The following ACSM1 variants were observed in gnomAD, a reference collection of about 807,000 sequenced individuals.
The protein encoded by ACSM1 is acyl-CoA synthetase medium chain family member 1, also known as acyl-coenzyme A synthetase ACSM1, mitochondrial.
In ACSM1, 79 loss-of-function variants were observed where a neutral mutation model predicts 75.8. That is an observed-to-expected ratio of 1.04 (90% confidence interval 0.87 to 1.26). The LOEUF (loss-of-function observed/expected upper bound fraction) is 1.26. ACSM1 is among the 50% of genes most tolerant of loss of function. The pLI is 0.00. For synonymous variants in ACSM1, 279 were observed against 265.8 expected (o/e 1.05, Z -0.48); for missense variants, 676 against 720.1 (o/e 0.94, Z 0.70).
intron 2 of ACSM1, 136 bp from the exon 3 acceptor site, chr16:20,685,539 C>A (rs1457794950): frequency 6.2e-6 from 5 of 803,328 alleles, no homozygotes; most frequent in Non-Finnish European, 1.0e-5. Flanking sequence ...AACATTTATA[C>A]AGCCAGGCGC....
At chr16:20,672,294 T>A (rs2019956872) in intron 4 of ACSM1, among the ~76,000 whole-genome samples, 2 of 149,066 alleles carry the variant, frequency 1.3e-5, no homozygotes, top group Non-Finnish European at 3.0e-5. Context: ...GTAAAAAAAA[T>A]ATATTTAGTT....
intron 1 of ACSM1, among the ~76,000 whole-genome samples, chr16:20,693,000 C>T (rs534116437): frequency 6.6e-6 from 1 of 152,112 alleles, no homozygotes; most frequent in Admixed American, 6.5e-5. Context: ...GAAACCCTGT[C>T]TCTACTAAAA....
chr16:20,656,834 A>G (rs1053993997), intron 7 of ACSM1, among the ~76,000 whole-genome samples: 6 of 151,892 alleles, frequency 4.0e-5, no homozygotes, highest in African/African-American at 1.5e-4. Context: ...GTAAGATTGT[A>G]AGGGCCAGCT....
chr16:20,672,255 T>G, intron 4 of ACSM1, among the ~76,000 whole-genome samples: 1 of 147,638 alleles, frequency 6.8e-6, no homozygotes, highest in Admixed American at 6.9e-5. Context: ...TGATGAGGGG[T>G]GGGGAAGAGA....
intron 3 of ACSM1, 98 bp downstream of exon 3, chr16:20,685,095 G>A (rs28682534): frequency 1.5e-6 from 2 of 1,304,276 alleles, no homozygotes; most frequent in Admixed American, 3.6e-5. Context: ...CTTCAAAGCT[G>A]TGTCAGTGCC....
chr16:20,643,284 T>A (rs1449950963), intron 7 of ACSM1, among the ~76,000 whole-genome samples: 2 of 152,154 alleles, frequency 1.3e-5, no homozygotes, highest in Non-Finnish European at 2.9e-5. Context: ...CCCCGAATTC[T>A]AAGGAAAAAT....
At chr16:20,697,600 C>T (rs911402291) in intron 1 of ACSM1, 36 bp downstream of exon 1, 1 of 128,434 alleles carries the variant, frequency 7.8e-6, no homozygotes, top group East Asian at 2.3e-4. Flanking sequence ...CACACACACA[C>T]ACACAGATAG....
intron 7 of ACSM1, among the ~76,000 whole-genome samples, chr16:20,647,370 C>T (rs2018424264): frequency 6.6e-6 from 1 of 152,174 alleles, no homozygotes; most frequent in African/African-American, 2.4e-5. Flanking sequence ...TGGACCAATG[C>T]GTCCTGACTC....
chr16:20,626,392 G>C (rs2152182034), intron 11 of ACSM1, among the ~76,000 whole-genome samples: 1 of 151,656 alleles, frequency 6.6e-6, no homozygotes, highest in Admixed American at 6.6e-5. Flanking sequence ...AAATAAAAAT[G>C]CCATCAATTT....
chr16:20,647,050 T>C (rs1439693455), intron 7 of ACSM1, among the ~76,000 whole-genome samples: 1 of 152,232 alleles, frequency 6.6e-6, no homozygotes, highest in Non-Finnish European at 1.5e-5. Flanking sequence ...AAAGCCTCAA[T>C]TTCCTTTCCC....
intron 6 of ACSM1, among the ~76,000 whole-genome samples, chr16:20,669,150 GTCA>G (rs983730794): frequency 6.6e-6 from 1 of 152,006 alleles, no homozygotes; most frequent in African/African-American, 2.4e-5. Context: ...GACTTGAATT[GTCA>G]TCATGATGTA....
intron 1 of ACSM1, among the ~76,000 whole-genome samples, chr16:20,695,353 TC>T (rs1386365264): frequency 6.6e-6 from 1 of 152,206 alleles, no homozygotes; most frequent in Non-Finnish European, 1.5e-5. Context: ...CAAAAAGCAT[TC>T]AGCACGGACA....
At chr16:20,669,778 T>C in intron 6 of ACSM1, 49 bp downstream of exon 6, 3 of 1,586,142 alleles carry the variant, frequency 1.9e-6, no homozygotes, top group Non-Finnish European at 2.6e-6. Context: ...CCAGGAAACA[T>C]GGATTTTTTT....
At chr16:20,627,027 G>T (rs1014394979) in intron 11 of ACSM1, among the ~76,000 whole-genome samples, 162 bp downstream of exon 11, 5 of 152,084 alleles carry the variant, frequency 3.3e-5, no homozygotes, top group Non-Finnish European at 7.3e-5. Context: ...TGCAGAGAAG[G>T]TTCGGGAGGT....
intron 7 of ACSM1, among the ~76,000 whole-genome samples, chr16:20,652,254 A>C (rs535759172): frequency 6.6e-6 from 1 of 152,266 alleles, no homozygotes; most frequent in Non-Finnish European, 1.5e-5. Flanking sequence ...TTAGGATTTA[A>C]GGTTATTATT....
At chr16:20,630,261 A>G (rs1004187885) in intron 10 of ACSM1, among the ~76,000 whole-genome samples, 4 of 150,718 alleles carry the variant, frequency 2.7e-5, no homozygotes, top group South Asian at 2.1e-4. Context: ...AATCTTTTTT[A>G]TTTTTAGTAG....
chr16:20,692,672 A>T (rs1296984682), intron 1 of ACSM1, among the ~76,000 whole-genome samples: 1 of 152,230 alleles, frequency 6.6e-6, no homozygotes, highest in Non-Finnish European at 1.5e-5. Flanking sequence ...TTTTTCCTAC[A>T]AGAGACTTTG....
chr16:20,669,441 AACACACACACAC>A lies in ACSM1; in HGVS notation c.912+374_912+385del, dbSNP rs71149170. 5.7e-4 allele frequency among the ~76,000 whole-genome samples: 80 copies of A among 141,362 alleles called. 1 individual carries two copies. Among genetic ancestry groups the A allele is most frequent in the Non-Finnish European group, 8.8e-4 (57 of 64,832 alleles). 92.7% of individuals were successfully genotyped at this position (141,362 alleles called of 152,430 possible). A position where few individuals can be genotyped will look rare whatever the true frequency, so the allele number is the denominator to read the frequency against. ...AACATTTTATCATATTGAGTAAGAA[AACACACACACAC>A]ACACACACACACACACACACACACA... On this transcript the variant is annotated intron_variant, in intron 6 of 13. Coordinates refer to ENST00000520010, the MANE Select transcript of ACSM1 (RefSeq NM_001318890.3).
chr16:20,629,415 A>T (rs1304408231), intron 10 of ACSM1, among the ~76,000 whole-genome samples: 1 of 152,234 alleles, frequency 6.6e-6, no homozygotes, highest in Non-Finnish European at 1.5e-5. Context: ...AATCATAAAG[A>T]AAATATCTGT....
Sources: gnomAD v4.1 joint callset for allele counts (sites outside exome capture counted in the v4.1 genomes callset) on GRCh38, gnomAD v4.1.1 for gene constraint, MANE v1.5 for transcripts, NCBI Gene and HGNC (gene_info 2026-07-23, HGNC 2026-07-21) for gene names.